Variants in CACNA1E observed in about 807,000 individuals in gnomAD.
The protein encoded by CACNA1E is calcium voltage-gated channel subunit alpha1 E.
A neutral mutation model predicts 259.2 loss-of-function variants in CACNA1E; 40 were observed. The observed-to-expected ratio is 0.15, with a 90% CI of 0.12 to 0.20. The LOEUF is 0.20. CACNA1E is among the 10% of genes least tolerant of loss of function. CACNA1E has a pLI of 1.00. For synonymous variants in CACNA1E, 1,104 were observed against 1,138.5 expected (o/e 0.97, Z 0.61); for missense variants, 1,874 against 3,040.1 (o/e 0.62, Z 9.02).
chr1:181,576,095 G>T (rs1289621344), intron 3 of CACNA1E, among the ~76,000 whole-genome samples: 1 of 152,230 alleles, frequency 6.6e-6, no homozygotes, highest in East Asian at 1.9e-4. Flanking sequence ...CCCCGTTTCT[G>T]ACGACGGCAT....
At chr1:181,484,035 T>TC in intron 1 of CACNA1E, 25 bp downstream of exon 1, 1 of 1,604,710 alleles carries the variant, frequency 6.2e-7, no homozygotes, top group Non-Finnish European at 8.5e-7. Flanking sequence ...CCACCATAAC[T>TC]CCCTCTCCCC....
At chr1:181,735,118 A>G (rs1198597057) in intron 21 of CACNA1E, among the ~76,000 whole-genome samples, 3 of 152,120 alleles carry the variant, frequency 2.0e-5, no homozygotes, top group Non-Finnish European at 4.4e-5. Flanking sequence ...TCTATAGTCA[A>G]CGTGCCACTG....
intron 1 of CACNA1E, among the ~76,000 whole-genome samples, chr1:181,332,328 C>A (rs1321008240): frequency 6.6e-6 from 1 of 152,102 alleles, no homozygotes; most frequent in Non-Finnish European, 1.5e-5. Flanking sequence ...ACACATTTAC[C>A]TATGTAACAA....
chr1:181,524,155 T>A (rs1178304871), intron 3 of CACNA1E, among the ~76,000 whole-genome samples: 1 of 152,218 alleles, frequency 6.6e-6, no homozygotes, highest in Non-Finnish European at 1.5e-5. Flanking sequence ...TTCCTTTTCA[T>A]AAAGTGAGAG....
At chr1:181,385,886 C>A (rs1655811520) in intron 1 of CACNA1E, among the ~76,000 whole-genome samples, 1 of 148,502 alleles carries the variant, frequency 6.7e-6, no homozygotes, top group Non-Finnish European at 1.5e-5. Context: ...TCCCTCTCTT[C>A]CTCCCTTCCT....
intron 4 of CACNA1E, 73 bp downstream of exon 4, chr1:181,577,942 G>A: frequency 1.0e-6 from 1 of 974,594 alleles, no homozygotes; most frequent in Non-Finnish European, 1.6e-6. Flanking sequence ...CAGGTCTAAG[G>A]GAATTTGGGA....
intron 1 of CACNA1E, among the ~76,000 whole-genome samples, chr1:181,490,475 G>GGCTCCAGCCAC: frequency 6.6e-6 from 1 of 151,596 alleles, no homozygotes; most frequent in Non-Finnish European, 1.5e-5. Context: ...TGCCCAGCTA[G>GGCTCCAGCCAC]GCTCCAGCCA....
At chr1:181,638,180 A>C (rs1657411764) in intron 6 of CACNA1E, among the ~76,000 whole-genome samples, 1 of 152,208 alleles carries the variant, frequency 6.6e-6, no homozygotes, top group South Asian at 2.1e-4. Flanking sequence ...TCTCCCTGGC[A>C]ACAGAATGGC....
intron 1 of CACNA1E, among the ~76,000 whole-genome samples, chr1:181,318,747 T>C (rs1170467959): frequency 6.6e-6 from 1 of 152,128 alleles, no homozygotes; most frequent in African/African-American, 2.4e-5. Flanking sequence ...GGGACTGCTG[T>C]AGGGTGGACT....
chr1:181,401,298 T>C (rs1291293792), intron 1 of CACNA1E, among the ~76,000 whole-genome samples: 1 of 152,170 alleles, frequency 6.6e-6, no homozygotes, highest in Non-Finnish European at 1.5e-5. Context: ...TGATGCACAG[T>C]TCTTAGCTTA....
At chr1:181,735,396 G>T (rs916579862) in intron 21 of CACNA1E, among the ~76,000 whole-genome samples, 1 of 152,034 alleles carries the variant, frequency 6.6e-6, no homozygotes, top group Non-Finnish European at 1.5e-5. Flanking sequence ...AGGAGGCCTG[G>T]GCATGGGCCA....
At chr1:181,727,825 T>C (rs1389974126) in intron 18 of CACNA1E, among the ~76,000 whole-genome samples, 5 of 152,144 alleles carry the variant, frequency 3.3e-5, no homozygotes, top group Non-Finnish European at 1.5e-5. Flanking sequence ...TACTTGAAGC[T>C]AGTAAGGGAA....
intron 1 of CACNA1E, among the ~76,000 whole-genome samples, chr1:181,383,669 A>G (rs1274000716): frequency 6.7e-6 from 1 of 148,860 alleles, no homozygotes; most frequent in Admixed American, 6.6e-5. Context: ...TTATTTTAGG[A>G]ATTTGCTAGA....
chr1:181,773,360 T>C (rs1045839628), intron 37 of CACNA1E, among the ~76,000 whole-genome samples: 1 of 152,210 alleles, frequency 6.6e-6, no homozygotes, highest in African/African-American at 2.4e-5. Flanking sequence ...CTTTCCCTTT[T>C]ATAGCATCTA....
chr1:181,572,829 G>C (rs1246810666), intron 3 of CACNA1E, among the ~76,000 whole-genome samples: 1 of 152,180 alleles, frequency 6.6e-6, no homozygotes, highest in African/African-American at 2.4e-5. Context: ...ATTAGGAGAG[G>C]TGCATGGAGT....
chr1:181,738,475 C>T, intron 24 of CACNA1E, 49 bp downstream of exon 24: 1 of 1,417,116 alleles, frequency 7.1e-7, no homozygotes, highest in South Asian at 1.2e-5. Context: ...GATGGGTCAC[C>T]TGTCTGCTCC....
At chr1:181,724,362 C>A in intron 16 of CACNA1E, 108 bp from the exon 17 acceptor site, 2 of 807,908 alleles carry the variant, frequency 2.5e-6, no homozygotes, top group Non-Finnish European at 4.2e-6. Flanking sequence ...TTCAGGGTAG[C>A]TTCTGTTCCT....
At chr1:181,738,726 G>A (rs1394616691) in intron 24 of CACNA1E, among the ~76,000 whole-genome samples, 1 of 152,236 alleles carries the variant, frequency 6.6e-6, no homozygotes, top group Non-Finnish European at 1.5e-5. Flanking sequence ...TCTTGGCTGA[G>A]CCTGGGTGTG....
chr1:181,628,115 A>G (rs556472267), intron 6 of CACNA1E, among the ~76,000 whole-genome samples: 3 of 152,334 alleles, frequency 2.0e-5, no homozygotes, highest in Non-Finnish European at 4.4e-5. Context: ...GTCAATGTCG[A>G]TAACCTTTGG....
Sources: allele counts gnomAD v4.1 joint callset (sites outside exome capture counted in the v4.1 genomes callset), GRCh38; gene constraint gnomAD v4.1.1; transcripts MANE v1.5; gene names NCBI Gene and HGNC (gene_info 2026-07-23, HGNC 2026-07-21).